Variants in TNPO1 observed in about 807,000 individuals in gnomAD.
The protein encoded by TNPO1 is transportin-1.
Under a neutral mutation model 119.5 loss-of-function variants are expected in TNPO1, and 8 were observed. The observed-to-expected ratio is 0.07, with a 90% CI of 0.04 to 0.12. The LOEUF (loss-of-function observed/expected upper bound fraction) is 0.12, where lower values mean the gene tolerates loss of function less well. Among genes scored for constraint, TNPO1 ranks in the 10% least tolerant of loss-of-function variants. TNPO1 has a pLI of 1.00. For synonymous variants in TNPO1, 362 were observed against 363.0 expected, an observed-to-expected ratio of 1.00 and a Z score of 0.03; for missense variants, 576 against 1,089.8, an observed-to-expected ratio of 0.53 and a Z score of 6.64.
In TNPO1 at chr5:72,848,775, C is replaced by T. The variant is rs991030425; in HGVS notation, c.129+277C>T. On this transcript the variant is annotated intron_variant, in intron 2 of 24. Coordinates refer to ENST00000337273, the MANE Select transcript of TNPO1 (RefSeq NM_002270.4). ...CGCGCAGGAGGCGGGGGCCCCCGGCCGCCGCCCGGGATCGCGACATGTGCG... is the reference window on the plus strand; with the variant it reads ...CGCGCAGGAGGCGGGGGCCCCCGGCTGCCGCCCGGGATCGCGACATGTGCG... Among the ~76,000 whole-genome samples the T allele has an allele frequency of 1.5e-3, 219 of 148,060 alleles. 1 individual carries two copies. Among genetic ancestry groups the T allele is most frequent in the Non-Finnish European group, 2.5e-3 (164 of 66,372 alleles).
Position 72,913,949 on chromosome 5 carries a change from A to T in TNPO1, c.*5276A>T, listed in dbSNP as rs1750724157. The T allele has an allele frequency of 6.6e-6, 1 of 152,608 alleles. No homozygotes were observed. Among genetic ancestry groups the T allele is most frequent in the Admixed American group, 6.5e-5 (1 of 15,278 alleles). The allele number at this position is 152,608 out of a possible 1,614,324, so 9.5% of individuals were successfully genotyped here. ...ACTTCATATTACAAAACAGTTTTAC[A>T]CTTAATATGTTAACATTGGGTGCAA... On this transcript the variant is annotated 3_prime_UTR_variant, in exon 25 of 25. Coordinates refer to ENST00000337273, the MANE Select transcript of TNPO1 (RefSeq NM_002270.4).
intron 1 of TNPO1, among the ~76,000 whole-genome samples, chr5:72,836,186 TC>T (rs1428878120): frequency 6.6e-6 from 1 of 152,152 alleles, no homozygotes; most frequent in Non-Finnish European, 1.5e-5. Flanking sequence ...GTGTAGGCTC[TC>T]TGCTGTATCC....
chr5:72,858,337 T>C (rs1323207948), intron 4 of TNPO1, among the ~76,000 whole-genome samples: 1 of 152,230 alleles, frequency 6.6e-6, no homozygotes, highest in Non-Finnish European at 1.5e-5. Context: ...TGTGAAATTT[T>C]CTATTTTAAA....
chr5:72,902,076 G>GAAA (rs76963590), intron 22 of TNPO1, among the ~76,000 whole-genome samples: 13 of 144,116 alleles, frequency 9.0e-5, no homozygotes, highest in African/African-American at 3.3e-4. Flanking sequence ...ACTTCATCTG[G>GAAA]AAAAAAAAAA....
intron 4 of TNPO1, 32 bp downstream of exon 4, chr5:72,855,955 T>G: frequency 6.2e-7 from 1 of 1,605,774 alleles, no homozygotes; most frequent in Non-Finnish European, 8.5e-7. Flanking sequence ...TTGCTTACTT[T>G]GTTTGTAACT....
intron 1 of TNPO1, among the ~76,000 whole-genome samples, chr5:72,817,834 T>A (rs989819356): frequency 1.3e-5 from 2 of 152,246 alleles, no homozygotes; most frequent in Non-Finnish European, 2.9e-5. Flanking sequence ...TCCTGCAGCT[T>A]TTTAAGTTTC....
chr5:72,871,138 G>A (rs1747368413), intron 6 of TNPO1, among the ~76,000 whole-genome samples: 2 of 151,966 alleles, frequency 1.3e-5, no homozygotes, highest in Non-Finnish European at 2.9e-5. Context: ...CACCAGGCCC[G>A]GCTAATTTTT....
At chr5:72,891,502 A>C (rs1485961991) in intron 14 of TNPO1, among the ~76,000 whole-genome samples, 1 of 152,066 alleles carries the variant, frequency 6.6e-6, no homozygotes, top group Non-Finnish European at 1.5e-5. Flanking sequence ...CTTGATTGTG[A>C]CTTTTTTAAG....
At chr5:72,857,186 C>T (rs1226113224) in intron 4 of TNPO1, among the ~76,000 whole-genome samples, 2 of 151,884 alleles carry the variant, frequency 1.3e-5, no homozygotes, top group Non-Finnish European at 1.5e-5. Flanking sequence ...GGTGTGGTGG[C>T]GTGTGCTTGT....
At chr5:72,864,800 G>A (rs1396434725) in intron 5 of TNPO1, among the ~76,000 whole-genome samples, 1 of 151,790 alleles carries the variant, frequency 6.6e-6, no homozygotes, top group Non-Finnish European at 1.5e-5. Context: ...GTAGAGACAG[G>A]GTTTCACCAT....
chr5:72,848,054 C>T, intron 1 of TNPO1: 2 of 1,054,648 alleles, frequency 1.9e-6, no homozygotes, highest in Non-Finnish European at 2.3e-6. Flanking sequence ...TTGGAGAAAA[C>T]TGCGTGGCAC....
chr5:72,820,582 T>G (rs1351453295), intron 1 of TNPO1, among the ~76,000 whole-genome samples: 1 of 152,194 alleles, frequency 6.6e-6, no homozygotes, highest in Non-Finnish European at 1.5e-5. Context: ...TACTTCTATT[T>G]TACTGATGAG....
rs375696891 is a variant in TNPO1, at chr5:72,888,139, C to G, written c.1365C>G (p.Leu455=). 2.5e-6 allele frequency: 4 copies of G among 1,614,024 alleles called. No homozygotes were observed. Among genetic ancestry groups the G allele is most frequent in the African/African-American group, 2.7e-5 (2 of 74,910 alleles). ...PELIPHLIQC[L]SDKKALVRSI... ...TTATTCCTCACCTTATTCAGTGCCT[C>G]TCTGATAAAAAGGCTCTTGTGCGTT... The change falls in exon 13 of 25, where the codon CTC becomes CTG. Residue 455 remains leucine, a synonymous_variant. Coordinates refer to ENST00000337273, the MANE Select transcript of TNPO1 (RefSeq NM_002270.4).
At chr5:72,887,986 A>G in intron 12 of TNPO1, 92 bp from the exon 13 acceptor site, 1 of 1,235,638 alleles carries the variant, frequency 8.1e-7, no homozygotes, top group Non-Finnish European at 1.1e-6. Flanking sequence ...AAATATTCTG[A>G]ATTTTTTCAT....
At position 72,911,712 on chromosome 5, in the gene TNPO1, C is replaced by G. The variant is rs1579960180; in HGVS notation, c.*3039C>G. 1 of 152,550 alleles carries G rather than the reference C, an allele frequency of 6.6e-6. No individual in the cohort carries two copies. Among genetic ancestry groups the G allele is most frequent in the African/African-American group, 2.4e-5 (1 of 41,458 alleles). The allele number at this position is 152,550 out of a possible 1,614,324, so 9.4% of individuals were successfully genotyped here. A position where few individuals can be genotyped will look rare whatever the true frequency, so the allele number is the denominator to read the frequency against. On this transcript the variant is annotated 3_prime_UTR_variant, in exon 25 of 25. Transcript: ENST00000337273. ...AAAGCACGGCTTACTTCATCTGCTC[C>G]TTACACACTAAAATGCTGTTAGTGT...
Position 72,913,439 on chromosome 5 carries a change from G to T in TNPO1, c.*4766G>T, listed in dbSNP as rs775441955. Reference sequence around the variant, plus strand: ...TGGTTTGTATCCCAGAATGTGTTGTGTTTTTTAAAAGATGCATAATAGCTG... The same window carrying T: ...TGGTTTGTATCCCAGAATGTGTTGTTTTTTTTAAAAGATGCATAATAGCTG... On this transcript the variant is annotated 3_prime_UTR_variant, in exon 25 of 25. Coordinates refer to ENST00000337273, the MANE Select transcript of TNPO1 (RefSeq NM_002270.4). 4 of 152,402 alleles carry T rather than the reference G, an allele frequency of 2.6e-5. No individual in the cohort carries two copies. In the South Asian group the frequency reaches 8.3e-4, roughly 32 times the overall value. 9.4% of individuals were successfully genotyped at this position (152,402 alleles called of 1,614,324 possible). A position where few individuals can be genotyped will look rare whatever the true frequency, so the allele number is the denominator to read the frequency against.
At chr5:72,863,941 T>C (rs1436635079) in intron 5 of TNPO1, among the ~76,000 whole-genome samples, 1 of 152,204 alleles carries the variant, frequency 6.6e-6, no homozygotes, top group Non-Finnish European at 1.5e-5. Flanking sequence ...GTGAAATTGT[T>C]GAGCTAGTGT....
intron 18 of TNPO1, among the ~76,000 whole-genome samples, chr5:72,895,697 G>A (rs144850355): frequency 2.4e-4 from 37 of 152,188 alleles, no homozygotes; most frequent in African/African-American, 8.2e-4. Flanking sequence ...CTTATATAGG[G>A]AGACATTTCC....
intron 1 of TNPO1, among the ~76,000 whole-genome samples, chr5:72,839,342 T>C (rs1287987717): frequency 6.6e-6 from 1 of 152,212 alleles, no homozygotes; most frequent in Non-Finnish European, 1.5e-5. Context: ...TGATTTGATA[T>C]ACAAATGTAA....
Sources: allele counts gnomAD v4.1 joint callset (sites outside exome capture counted in the v4.1 genomes callset), GRCh38; gene constraint gnomAD v4.1.1; transcripts MANE v1.5; gene names NCBI Gene and HGNC (gene_info 2026-07-23, HGNC 2026-07-21).